AUTS2: variants seen among roughly 807,000 people sequenced by gnomAD.
The protein encoded by AUTS2 is autism susceptibility gene 2 protein.
A neutral mutation model predicts 112.4 loss-of-function variants in AUTS2; 17 were observed. The observed-to-expected ratio is 0.15, with a 90% CI of 0.10 to 0.23. The LOEUF (loss-of-function observed/expected upper bound fraction) is 0.23. AUTS2 is among the 10% of genes least tolerant of loss of function. AUTS2 has a pLI of 1.00. For missense variants in AUTS2, 1,510 were observed against 1,701.6 expected, an observed-to-expected ratio of 0.89 and a Z score of 1.98; for synonymous variants, 751 against 702.7, an observed-to-expected ratio of 1.07 and a Z score of -1.09.
chr7:69,715,227 TA>T (rs61555118), intron 1 of AUTS2, among the ~76,000 whole-genome samples: 9,864 of 129,318 alleles, frequency 0.076, 453 homozygotes, highest in African/African-American at 0.15. Context: ...CAGGCATAAG[TA>T]AAAAAAAAAA....
intron 1 of AUTS2, among the ~76,000 whole-genome samples, chr7:69,862,417 C>T (rs1413953420): frequency 2.0e-5 from 3 of 152,118 alleles, no homozygotes; most frequent in Non-Finnish European, 4.4e-5. Context: ...AGGGTTGTTC[C>T]TCTAGGGGAC....
At chr7:70,331,196 T>G (rs925832748) in intron 4 of AUTS2, among the ~76,000 whole-genome samples, 4 of 152,180 alleles carry the variant, frequency 2.6e-5, no homozygotes, top group East Asian at 1.9e-4. Context: ...TTTTGGTTGT[T>G]AGGCTATTAA....
chr7:70,771,578 G>A lies in AUTS2; in HGVS notation c.1764G>A (p.Ser588=), dbSNP rs752961815. 5.0e-6 allele frequency: 8 copies of A among 1,612,514 alleles called. No individual in the cohort carries two copies. The highest frequency in any genetic ancestry group is 1.7e-5 in the Admixed American group (1 of 59,974). The change falls in exon 11 of 19, where the codon TCG becomes TCA. Residue 588 remains serine (S), a synonymous_variant. Transcript: ENST00000342771. ...TCCATTCCTATCCTCCTGCAGTGTCGGGCATCCCCCCTATGATCCCACCCA... is the reference window on the plus strand; with the variant it reads ...TCCATTCCTATCCTCCTGCAGTGTCAGGCATCCCCCCTATGATCCCACCCA... ...SLFHSYPPAV[S]GIPPMIPPTG... is the part of the protein sequence containing the mutation.
At chr7:70,243,147 T>C (rs1812712140) in intron 4 of AUTS2, among the ~76,000 whole-genome samples, 1 of 151,972 alleles carries the variant, frequency 6.6e-6, no homozygotes, top group Non-Finnish European at 1.5e-5. Context: ...ACAACTATGC[T>C]GGCATCTTTT....
At chr7:69,655,054 A>AAAAC (rs1400499094) in intron 1 of AUTS2, among the ~76,000 whole-genome samples, 4 of 152,202 alleles carry the variant, frequency 2.6e-5, no homozygotes, top group African/African-American at 7.2e-5. Context: ...GCAGCCCCAT[A>AAAAC]AAACAAGGCA....
At chr7:70,638,098 AG>A (rs1450149556) in intron 5 of AUTS2, among the ~76,000 whole-genome samples, 2 of 152,140 alleles carry the variant, frequency 1.3e-5, no homozygotes, top group Non-Finnish European at 2.9e-5. Flanking sequence ...CCCTGGATGA[AG>A]GGTTTGGGGA....
intron 5 of AUTS2, among the ~76,000 whole-genome samples, chr7:70,488,994 GGAT>G (rs1459881750): frequency 6.6e-6 from 1 of 152,108 alleles, no homozygotes; most frequent in Non-Finnish European, 1.5e-5. Flanking sequence ...CTCCCTAATG[GGAT>G]GATGACAGTC....
intron 1 of AUTS2, among the ~76,000 whole-genome samples, chr7:69,608,921 T>C (rs1792875206): frequency 6.6e-6 from 1 of 152,252 alleles, no homozygotes; most frequent in Non-Finnish European, 1.5e-5. Context: ...GAGATTAATA[T>C]GCAGAGCTAA....
chr7:69,770,917 T>G (rs1788636421), intron 1 of AUTS2, among the ~76,000 whole-genome samples: 1 of 152,126 alleles, frequency 6.6e-6, no homozygotes, highest in Non-Finnish European at 1.5e-5. Flanking sequence ...AAAAAATGGT[T>G]TCACATAAGG....
chr7:70,273,670 C>T (rs1176552274), intron 4 of AUTS2, among the ~76,000 whole-genome samples: 2 of 151,984 alleles, frequency 1.3e-5, no homozygotes. Context: ...GAATTGGTTC[C>T]AGTACCCCCT....
At chr7:70,171,788 G>GAAAA (rs2129578957) in intron 4 of AUTS2, among the ~76,000 whole-genome samples, 2 of 152,180 alleles carry the variant, frequency 1.3e-5, no homozygotes, top group African/African-American at 4.8e-5. Context: ...ATGAATTTTT[G>GAAAA]TCAGCAGGGA....
chr7:69,814,502 C>T (rs374208122), intron 1 of AUTS2, among the ~76,000 whole-genome samples: 17 of 152,244 alleles, frequency 1.1e-4, no homozygotes, highest in African/African-American at 3.4e-4. Flanking sequence ...GGGCTCCTCC[C>T]GCTGTACCAG....
At chr7:69,853,387 T>G (rs1792576607) in intron 1 of AUTS2, among the ~76,000 whole-genome samples, 1 of 152,226 alleles carries the variant, frequency 6.6e-6, no homozygotes, top group Non-Finnish European at 1.5e-5. Context: ...AATGTCCCTC[T>G]CTGTTTCTAC....
intron 4 of AUTS2, among the ~76,000 whole-genome samples, chr7:70,362,986 T>C (rs1310845026): frequency 6.6e-6 from 1 of 152,192 alleles, no homozygotes; most frequent in Non-Finnish European, 1.5e-5. Flanking sequence ...TCAACCCCAC[T>C]TAGAATTAAA....
chr7:69,738,264 C>T (rs1167332227), intron 1 of AUTS2, among the ~76,000 whole-genome samples: 1 of 151,862 alleles, frequency 6.6e-6, no homozygotes, highest in African/African-American at 2.4e-5. Context: ...TCATCCCCTT[C>T]TCTCTCTTCT....
intron 1 of AUTS2, among the ~76,000 whole-genome samples, chr7:69,709,307 A>C (rs1019555226): frequency 6.6e-5 from 10 of 152,146 alleles, no homozygotes; most frequent in African/African-American, 2.4e-4. Flanking sequence ...TATGTGAATC[A>C]CAGAAAGGGA....
chr7:70,348,185 G>A (rs1791585233), intron 4 of AUTS2, among the ~76,000 whole-genome samples: 1 of 152,216 alleles, frequency 6.6e-6, no homozygotes, highest in South Asian at 2.1e-4. Context: ...ACCACAACAG[G>A]CTGTAAGCAG....
chr7:69,770,363 G>T (rs1393120644), intron 1 of AUTS2, among the ~76,000 whole-genome samples: 1 of 152,148 alleles, frequency 6.6e-6, no homozygotes, highest in Non-Finnish European at 1.5e-5. Context: ...TTTTTTGTAT[G>T]AAAGGTTTTC....
chr7:70,349,335 G>A (rs1791646647), intron 4 of AUTS2, among the ~76,000 whole-genome samples: 3 of 137,786 alleles, frequency 2.2e-5, no homozygotes, highest in Admixed American at 2.1e-4. Context: ...ATTTTTATAA[G>A]TGATTAAAGT....
Sources: allele counts gnomAD v4.1 joint callset (sites outside exome capture counted in the v4.1 genomes callset), GRCh38; gene constraint gnomAD v4.1.1; transcripts MANE v1.5; gene names NCBI Gene and HGNC (gene_info 2026-07-23, HGNC 2026-07-21).